Variants in IL19 observed in about 807,000 individuals in gnomAD.
The protein encoded by IL19 is interleukin-19.
Under a neutral mutation model 19.5 loss-of-function variants are expected in IL19, and 15 were observed. That is an observed-to-expected ratio of 0.77 (90% CI 0.52 to 1.19). The LOEUF is 1.19. Among genes scored for constraint, IL19 ranks in the 50% most tolerant of loss-of-function variants. IL19 has a pLI of 0.00. For missense variants in IL19, 199 were observed against 213.1 expected (o/e 0.93, Z 0.41); for synonymous variants, 78 against 78.3 (o/e 1.00, Z 0.02).
chr1:206,824,135 C>T (rs1286185111), intron 2 of IL19, among the ~76,000 whole-genome samples: 1 of 152,176 alleles, frequency 6.6e-6, no homozygotes, highest in Non-Finnish European at 1.5e-5. Context: ...GCTTGGGTCC[C>T]CTGGATGGAG....
At chr1:206,775,122 G>C (rs1295375982) in intron 1 of IL19, among the ~76,000 whole-genome samples, 1 of 151,700 alleles carries the variant, frequency 6.6e-6, no homozygotes, top group Non-Finnish European at 1.5e-5. Context: ...CTCACTGCAA[G>C]CTCTGCCTCC....
Position 206,770,963 on chromosome 1 carries a change from G to A in IL19, c.-264G>A. Reference sequence around the variant, plus strand: ...AGGTTCTCCCCCAGGGAGTTCACATGCGCCTTGATGTCTGGGTCTTGGTTC... The same window carrying A: ...AGGTTCTCCCCCAGGGAGTTCACATACGCCTTGATGTCTGGGTCTTGGTTC... On this transcript the variant is annotated 5_prime_UTR_variant, in exon 1 of 7. An upstream start codon of the reference 5' UTR is lost. Transcript: ENST00000659997. 1 of 1,614,126 alleles carries A rather than the reference G, an allele frequency of 6.2e-7. No homozygotes were observed. Among genetic ancestry groups the A allele is most frequent in the Non-Finnish European group, 8.5e-7 (1 of 1,179,972 alleles).
intron 5 of IL19, 119 bp downstream of exon 5, chr1:206,840,121 G>T (rs765862793): frequency 3.5e-6 from 4 of 1,132,702 alleles, no homozygotes; most frequent in South Asian, 2.5e-5. Context: ...AATTCTCTGC[G>T]CACGTCCACA....
intron 2 of IL19, among the ~76,000 whole-genome samples, chr1:206,818,860 T>C (rs1191265472): frequency 6.7e-6 from 1 of 149,088 alleles, no homozygotes; most frequent in Non-Finnish European, 1.5e-5. Context: ...TCGCCCAGAC[T>C]GGAGTGCAGT....
In IL19 at chr1:206,781,393, C is replaced by T. The variant is rs1467912496; in HGVS notation, c.-149+10315C>T. On this transcript the variant is annotated intron_variant, in intron 1 of 6. Transcript: ENST00000659997. Reference sequence around the variant, plus strand: ...TCGCGCCACTGTGCTCCAGCCTGGGCGACAGAGCAAGACTCTGTCTCAAAA... The same window carrying T: ...TCGCGCCACTGTGCTCCAGCCTGGGTGACAGAGCAAGACTCTGTCTCAAAA... 3.5e-5 allele frequency among the ~76,000 whole-genome samples: 4 copies of T among 113,546 alleles called. No homozygotes were observed. In the Admixed American group the frequency reaches 3.9e-4, roughly 11 times the overall value. The allele number at this position is 113,546 out of a possible 152,430, so 74.5% of individuals were successfully genotyped here. A position where few individuals can be genotyped will look rare whatever the true frequency, so the allele number is the denominator to read the frequency against.
At chr1:206,781,939 G>GTATATAGTTATATATACATATA (rs1558606361) in intron 1 of IL19, among the ~76,000 whole-genome samples, 1 of 95,318 alleles carries the variant, frequency 1.0e-5, no homozygotes, top group African/African-American at 4.1e-5. Context: ...ACATATATAT[G>GTATATAGTTATATATACATATA]TATATAGTTA....
chr1:206,840,287 G>A (rs775470364), intron 5 of IL19: 27 of 567,396 alleles, frequency 4.8e-5, no homozygotes, highest in South Asian at 2.6e-4. Flanking sequence ...AAGGACTCCA[G>A]TTCTACTGTA....
At chr1:206,838,388 C>T (rs558872364) in intron 4 of IL19, among the ~76,000 whole-genome samples, 10 of 152,300 alleles carry the variant, frequency 6.6e-5, no homozygotes, top group African/African-American at 1.9e-4. Flanking sequence ...GGTTTCTCTG[C>T]ATACGTGAGA....
At chr1:206,803,471 C>T (rs1675768015) in intron 2 of IL19, among the ~76,000 whole-genome samples, 1 of 152,282 alleles carries the variant, frequency 6.6e-6, no homozygotes, top group South Asian at 2.1e-4. Context: ...TCTTTACTCT[C>T]AAAAACAAGT....
At chr1:206,801,421 G>A (rs1425181742) in intron 2 of IL19, among the ~76,000 whole-genome samples, 1 of 152,206 alleles carries the variant, frequency 6.6e-6, no homozygotes, top group Non-Finnish European at 1.5e-5. Context: ...CAAGGCCATT[G>A]GCACCTGGTC....
At chr1:206,789,418 G>T (rs1675340345) in intron 1 of IL19, among the ~76,000 whole-genome samples, 1 of 152,096 alleles carries the variant, frequency 6.6e-6, no homozygotes, top group Admixed American at 6.5e-5. Flanking sequence ...GCTCCCACTT[G>T]TAAGTGAGAA....
chr1:206,785,803 A>C (rs1488231112), intron 1 of IL19, among the ~76,000 whole-genome samples: 1 of 152,218 alleles, frequency 6.6e-6, no homozygotes, highest in Non-Finnish European at 1.5e-5. Context: ...GGTCCTATTT[A>C]TAGTGTAACC....
At chr1:206,840,861 G>T (rs1476469278) in intron 5 of IL19, 143 bp from the exon 6 acceptor site, 1 of 683,466 alleles carries the variant, frequency 1.5e-6, no homozygotes, top group Admixed American at 2.2e-5. Context: ...CTATTCTTCC[G>T]TGGCTGCTCC....
At chr1:206,834,802 A>T (rs1206804002) in intron 2 of IL19, among the ~76,000 whole-genome samples, 1 of 152,130 alleles carries the variant, frequency 6.6e-6, no homozygotes, top group Non-Finnish European at 1.5e-5. Context: ...CAGGGGAGCT[A>T]CTGGGATCCC....
At chr1:206,838,747 TTCCCTTCCC>T (rs1676888829) in intron 4 of IL19, among the ~76,000 whole-genome samples, 3 of 12,472 alleles carry the variant, frequency 2.4e-4, no homozygotes, top group African/African-American at 9.9e-4. Context: ...TTCCCTTCCC[TTCCCTTCCC>T]TTCCCTTCCC....
chr1:206,816,827 G>T (rs922126736), intron 2 of IL19, among the ~76,000 whole-genome samples: 2 of 152,128 alleles, frequency 1.3e-5, no homozygotes, highest in African/African-American at 4.8e-5. Flanking sequence ...AACAGTGAAA[G>T]AATGCAGAAA....
At chr1:206,800,631 G>A (rs1469270881) in intron 2 of IL19, among the ~76,000 whole-genome samples, 2 of 152,184 alleles carry the variant, frequency 1.3e-5, no homozygotes, top group African/African-American at 4.8e-5. Context: ...ATGGGGAAAG[G>A]AGACAGGAAT....
intron 2 of IL19, among the ~76,000 whole-genome samples, chr1:206,806,542 C>G (rs1675850371): frequency 6.6e-6 from 1 of 152,152 alleles, no homozygotes; most frequent in Non-Finnish European, 1.5e-5. Context: ...GTTGTGTGAC[C>G]TGAGAATTCT....
intron 1 of IL19, among the ~76,000 whole-genome samples, chr1:206,777,365 T>C (rs1484207787): frequency 3.1e-4 from 44 of 139,990 alleles, no homozygotes; most frequent in African/African-American, 1.1e-3. Context: ...CGAGATCGCG[T>C]CACTGCACTC....
Sources: gnomAD v4.1 joint callset for allele counts (sites outside exome capture counted in the v4.1 genomes callset) on GRCh38, gnomAD v4.1.1 for gene constraint, MANE v1.5 for transcripts, NCBI Gene and HGNC (gene_info 2026-07-23, HGNC 2026-07-21) for gene names.